The following GFRA2 variants were observed in gnomAD, a reference collection of about 807,000 sequenced individuals.
GFRA2 encodes the protein GDNF family receptor alpha-2.
In GFRA2, 17 loss-of-function variants were observed where a neutral mutation model predicts 48.3. The ratio of observed to expected loss-of-function variants is 0.35; its 90% CI spans 0.24 to 0.53. The LOEUF (loss-of-function observed/expected upper bound fraction) is 0.53. Among genes scored for constraint, GFRA2 ranks in the 20% least tolerant of loss-of-function variants. The pLI, the probability that GFRA2 is intolerant of heterozygous loss-of-function variation, is 0.93. For synonymous variants in GFRA2, 305 were observed against 257.2 expected (o/e 1.19, Z -1.78); for missense variants, 660 against 637.3 (o/e 1.04, Z -0.38).
chr8:21,703,045 T>G, intron 6 of GFRA2, 68 bp from the exon 7 acceptor site: 1 of 982,756 alleles, frequency 1.0e-6, no homozygotes, highest in South Asian at 1.7e-5. Flanking sequence ...TCCCTGCTCC[T>G]CACACTCTTC....
chr8:21,772,044 G>T (rs1040654439), intron 3 of GFRA2, among the ~76,000 whole-genome samples: 2 of 152,154 alleles, frequency 1.3e-5, no homozygotes, highest in East Asian at 1.9e-4. Flanking sequence ...CAGGAGGCTC[G>T]TGATGGCCTG....
At chr8:21,694,545 C>A (rs951824864) in intron 7 of GFRA2, 28 bp from the exon 8 acceptor site, 2 of 1,600,962 alleles carry the variant, frequency 1.2e-6, no homozygotes, top group Admixed American at 1.7e-5. Context: ...CCAGTCAGGA[C>A]GAGTCACCAG....
At chr8:21,805,173 C>A (rs754883458) in intron 1 of GFRA2, 14 of 152,222 alleles carry the variant, frequency 9.2e-5, no homozygotes, top group Non-Finnish European at 2.1e-4. Context: ...AAAGAAATCA[C>A]AATGAAGTCA....
intron 4 of GFRA2, among the ~76,000 whole-genome samples, chr8:21,715,297 GTT>G (rs1467701552): frequency 2.6e-5 from 4 of 152,150 alleles, no homozygotes; most frequent in Admixed American, 2.6e-4. Flanking sequence ...GGGCCAGATA[GTT>G]TTGTTTTTTT....
intron 1 of GFRA2, among the ~76,000 whole-genome samples, chr8:21,808,193 G>C (rs546338621): frequency 1.1e-4 from 17 of 152,276 alleles, no homozygotes; most frequent in African/African-American, 3.9e-4. Flanking sequence ...CATCTTTGTG[G>C]CCTGAGTTCC....
intron 4 of GFRA2, among the ~76,000 whole-genome samples, chr8:21,718,939 C>A (rs1803465577): frequency 6.7e-6 from 1 of 150,222 alleles, no homozygotes; most frequent in Non-Finnish European, 1.5e-5. Context: ...GTCCCAGTGT[C>A]CTGAAGCCAC....
chr8:21,765,068 G>C (rs1806089297), intron 3 of GFRA2, among the ~76,000 whole-genome samples: 1 of 151,882 alleles, frequency 6.6e-6, no homozygotes, highest in Admixed American at 6.6e-5. Context: ...ATCTGACCAG[G>C]CTAACCACTT....
At chr8:21,790,290 G>A (rs1807532521), upstream of GFRA2, among the ~76,000 whole-genome samples, 1 of 152,210 alleles carries the variant, frequency 6.6e-6, no homozygotes, top group Non-Finnish European at 1.5e-5. Flanking sequence ...GCGCACACAC[G>A]GTGTCCTGGG....
At chr8:21,736,946 G>C (rs997778014) in intron 4 of GFRA2, among the ~76,000 whole-genome samples, 1 of 149,308 alleles carries the variant, frequency 6.7e-6, no homozygotes, top group African/African-American at 2.5e-5. Context: ...GGGAGGGGAG[G>C]GGAGGCCTCC....
At chr8:21,772,567 C>T (rs1806487713) in intron 3 of GFRA2, among the ~76,000 whole-genome samples, 1 of 152,170 alleles carries the variant, frequency 6.6e-6, no homozygotes, top group Non-Finnish European at 1.5e-5. Context: ...CTAACCCTAA[C>T]GCTTCTCTGG....
intron 3 of GFRA2, among the ~76,000 whole-genome samples, chr8:21,769,621 T>C (rs1806350109): frequency 6.6e-6 from 1 of 152,160 alleles, no homozygotes; most frequent in Non-Finnish European, 1.5e-5. Flanking sequence ...CCAGCCGTGA[T>C]GCCAGGATCC....
At chr8:21,749,679 T>A (rs896874367) in intron 4 of GFRA2, among the ~76,000 whole-genome samples, 7 of 151,680 alleles carry the variant, frequency 4.6e-5, no homozygotes, top group Non-Finnish European at 7.4e-5. Flanking sequence ...AAAGTCCCTT[T>A]TATATATATA....
intron 5 of GFRA2, 130 bp downstream of exon 5, chr8:21,705,802 G>T: frequency 1.6e-6 from 1 of 631,872 alleles, no homozygotes; most frequent in East Asian, 2.8e-5. Flanking sequence ...GCAGCTCTCT[G>T]AATCTGATGC....
chr8:21,785,746 A>T (rs1367187165), intron 1 of GFRA2, among the ~76,000 whole-genome samples: 1 of 152,120 alleles, frequency 6.6e-6, no homozygotes, highest in Non-Finnish European at 1.5e-5. Flanking sequence ...ACTGGAGGTC[A>T]AGATACTGGG....
At chr8:21,773,344 C>G (rs1021799875) in intron 3 of GFRA2, among the ~76,000 whole-genome samples, 1 of 152,200 alleles carries the variant, frequency 6.6e-6, no homozygotes, top group Non-Finnish European at 1.5e-5. Context: ...TTTGAGGTCT[C>G]CGCTCCATTC....
intron 1 of GFRA2, among the ~76,000 whole-genome samples, 160 bp downstream of exon 1, chr8:21,787,960 T>G (rs1006502825): frequency 6.6e-6 from 1 of 151,730 alleles, no homozygotes; most frequent in African/African-American, 2.4e-5. Context: ...TCCGCGTCCC[T>G]GCCGCCCGGC....
intron 4 of GFRA2, among the ~76,000 whole-genome samples, chr8:21,739,215 T>C (rs1379832293): frequency 1.3e-5 from 2 of 152,188 alleles, no homozygotes; most frequent in African/African-American, 4.8e-5. Context: ...TCACTGCTCC[T>C]TTGCTCATAA....
chr8:21,694,619 G>T, intron 7 of GFRA2, 102 bp from the exon 8 acceptor site: 1 of 1,027,734 alleles, frequency 9.7e-7, no homozygotes, highest in Non-Finnish European at 1.5e-6. Context: ...TGTTGGCTCC[G>T]CTAAGCACAG....
At chr8:21,710,767 CG>C (rs1563220666) in intron 4 of GFRA2, among the ~76,000 whole-genome samples, 1 of 152,198 alleles carries the variant, frequency 6.6e-6, no homozygotes, top group African/African-American at 2.4e-5. Context: ...GGCCTGAGCC[CG>C]GCAGACAGCA....
Sources: allele counts gnomAD v4.1 joint callset (sites outside exome capture counted in the v4.1 genomes callset), GRCh38; gene constraint gnomAD v4.1.1; transcripts MANE v1.5; gene names NCBI Gene and HGNC (gene_info 2026-07-23, HGNC 2026-07-21).